Variants in STK32B observed in about 807,000 individuals in gnomAD.
STK32B encodes serine/threonine-protein kinase 32B.
STK32B carries 43 observed loss-of-function variants against 52.6 expected under a neutral mutation model. The ratio of observed to expected loss-of-function variants is 0.82; its 90% confidence interval spans 0.64 to 1.05. The LOEUF is 1.05. Among genes scored for constraint, STK32B ranks in the 50% least tolerant of loss-of-function variants. The probability of loss-of-function intolerance (pLI) is 0.00; values close to 1 mark genes in which losing one functional copy is unlikely to be tolerated. For missense variants in STK32B, 621 were observed against 534.6 expected (o/e 1.16, Z -1.59); for synonymous variants, 238 against 204.3 (o/e 1.17, Z -1.41).
intron 1 of STK32B, among the ~76,000 whole-genome samples, chr4:5,063,065 A>G (rs1253791030): frequency 2.0e-5 from 3 of 152,144 alleles, no homozygotes; most frequent in South Asian, 2.1e-4. Flanking sequence ...AATTTTGTGT[A>G]TGTCTCCTGT....
intron 3 of STK32B, among the ~76,000 whole-genome samples, chr4:5,205,842 C>G (rs1054330607): frequency 2.0e-5 from 3 of 152,152 alleles, no homozygotes; most frequent in Admixed American, 6.5e-5. Context: ...TCTCTTTCAC[C>G]GATTCTCATC....
At chr4:5,416,642 A>G (rs1013221765) in intron 5 of STK32B, among the ~76,000 whole-genome samples, 2 of 152,228 alleles carry the variant, frequency 1.3e-5, no homozygotes, top group African/African-American at 4.8e-5. Context: ...TTTATGTAAA[A>G]ATAATATGCA....
intron 3 of STK32B, among the ~76,000 whole-genome samples, chr4:5,177,401 C>G (rs1287151169): frequency 2.0e-5 from 3 of 152,172 alleles, no homozygotes; most frequent in Non-Finnish European, 4.4e-5. Flanking sequence ...CTAGGTCCCT[C>G]CCATGACATG....
intron 3 of STK32B, among the ~76,000 whole-genome samples, chr4:5,230,020 C>G (rs747163254): frequency 1.8e-4 from 28 of 151,798 alleles, no homozygotes; most frequent in Non-Finnish European, 4.1e-4. Flanking sequence ...AAGATGGAGT[C>G]TCGCTCTTGT....
intron 1 of STK32B, among the ~76,000 whole-genome samples, chr4:5,083,303 A>T (rs1454002651): frequency 6.6e-6 from 1 of 152,126 alleles, no homozygotes; most frequent in East Asian, 1.9e-4. Flanking sequence ...TGTTTGGGAG[A>T]TATTTTCATT....
At chr4:5,403,217 C>CA (rs1024354026) in intron 5 of STK32B, among the ~76,000 whole-genome samples, 3 of 152,162 alleles carry the variant, frequency 2.0e-5, no homozygotes, top group African/African-American at 7.2e-5. Context: ...GCCATACCCC[C>CA]AACACCTCCT....
the STK32B span, among the ~76,000 whole-genome samples, chr4:5,032,701 T>A: frequency 6.6e-6 from 1 of 152,126 alleles, no homozygotes; most frequent in East Asian, 1.9e-4. Flanking sequence ...TTAAATACAT[T>A]CACATTGTTG....
chr4:5,145,432 A>T (rs1289319337), intron 2 of STK32B, among the ~76,000 whole-genome samples: 1 of 152,220 alleles, frequency 6.6e-6, no homozygotes. Flanking sequence ...AAATAAATGC[A>T]TCTGAGTAAC....
chr4:5,236,300 A>G (rs1295434303), intron 3 of STK32B, among the ~76,000 whole-genome samples: 1 of 152,082 alleles, frequency 6.6e-6, no homozygotes, highest in Non-Finnish European at 1.5e-5. Flanking sequence ...CCTCCCCTCC[A>G]AGACTCTCCT....
At chr4:5,106,616 A>G (rs1714121583) in intron 1 of STK32B, among the ~76,000 whole-genome samples, 1 of 152,200 alleles carries the variant, frequency 6.6e-6, no homozygotes, top group South Asian at 2.1e-4. Context: ...ATTGCCTGAA[A>G]TATGCCATTT....
At chr4:5,166,364 G>A (rs1718870836) in intron 2 of STK32B, among the ~76,000 whole-genome samples, 1 of 151,554 alleles carries the variant, frequency 6.6e-6, no homozygotes. Context: ...AATAGTCATT[G>A]TCCTTGATGG....
chr4:5,337,198 G>A (rs192711870), intron 4 of STK32B, among the ~76,000 whole-genome samples: 1 of 150,700 alleles, frequency 6.6e-6, no homozygotes, highest in Non-Finnish European at 1.5e-5. Context: ...CACGTTACCC[G>A]GGGTGGTCTC....
chr4:5,269,725 A>G (rs1283571320), intron 3 of STK32B, among the ~76,000 whole-genome samples: 4 of 152,226 alleles, frequency 2.6e-5, no homozygotes, highest in African/African-American at 9.7e-5. Context: ...TACATATTAT[A>G]GAAAAAAATT....
intron 11 of STK32B, among the ~76,000 whole-genome samples, chr4:5,473,206 T>C (rs1158014590): frequency 6.6e-6 from 1 of 152,218 alleles, no homozygotes; most frequent in Non-Finnish European, 1.5e-5. Context: ...CAGATGTTTA[T>C]TGAGCATCTC....
intron 3 of STK32B, among the ~76,000 whole-genome samples, chr4:5,292,115 G>A (rs552223634): frequency 2.2e-4 from 34 of 152,146 alleles, no homozygotes; most frequent in African/African-American, 6.3e-4. Context: ...CGAGTGCAGC[G>A]GTCTTTTTTG....
Position 5,316,057 on chromosome 4 carries a change from C to G in STK32B, c.261-15163C>G, listed in dbSNP as rs1730660403. ...ACATTAATAAGGCAAAATGTAATGT[C>G]TGTTTAGTTTTGATGGAGAATATAT... On this transcript the variant is annotated intron_variant, in intron 3 of 11. Coordinates refer to ENST00000282908, the MANE Select transcript of STK32B (RefSeq NM_018401.3). Among the ~76,000 whole-genome samples, 3 of 142,384 alleles carry G rather than the reference C, an allele frequency of 2.1e-5. No homozygotes were observed. The Admixed American group carries it at 2.3e-4, about 11-fold the overall frequency. 93.4% of individuals were successfully genotyped at this position (142,384 alleles called of 152,430 possible).
rs75470150 is a variant in STK32B, at chr4:5,315,005, G to T, written c.261-16215G>T. On this transcript the variant is annotated intron_variant, in intron 3 of 11. Coordinates refer to ENST00000282908, the MANE Select transcript of STK32B (RefSeq NM_018401.3). The stretch of plus-strand genomic sequence containing the variant: ...TCATTAAAATTGAAGATTTATGCTC[G>T]GCAGAAGACTCTGTGAAGAGGATTA... 7.2e-5 allele frequency among the ~76,000 whole-genome samples: 11 copies of T among 152,132 alleles called. No individual in the cohort carries two copies. The East Asian group carries it at 1.5e-3, about 21-fold the overall frequency.
chr4:5,414,611 A>G lies in STK32B; in HGVS notation c.473-2234A>G, dbSNP rs529123025. Reference sequence around the variant, plus strand: ...ACTCCATGATACATGGCTAAATTCAAAAGTAATTTTTAGAGTGACCCATGC... The same window carrying G: ...ACTCCATGATACATGGCTAAATTCAGAAGTAATTTTTAGAGTGACCCATGC... On this transcript the variant is annotated intron_variant, in intron 5 of 11. Coordinates refer to ENST00000282908, the MANE Select transcript of STK32B (RefSeq NM_018401.3). Among the ~76,000 whole-genome samples the G allele has an allele frequency of 3.5e-4, 54 of 152,338 alleles. No homozygotes were observed. In the South Asian group the frequency reaches 0.011, roughly 32 times the overall value.
intron 3 of STK32B, among the ~76,000 whole-genome samples, chr4:5,298,245 G>A (rs987221427): frequency 2.0e-5 from 3 of 152,210 alleles, no homozygotes; most frequent in African/African-American, 7.2e-5. Context: ...GTGTCTCCCA[G>A]TCAGGAGGCA....
Sources: allele counts gnomAD v4.1 joint callset (sites outside exome capture counted in the v4.1 genomes callset), GRCh38; gene constraint gnomAD v4.1.1; transcripts MANE v1.5; gene names NCBI Gene and HGNC (gene_info 2026-07-23, HGNC 2026-07-21).